SH3TC1: variants seen among roughly 807,000 people sequenced by gnomAD.
SH3TC1 encodes the protein SH3 domain and tetratricopeptide repeats 1.
In SH3TC1, 135 loss-of-function variants were observed where a neutral mutation model predicts 117.3. The ratio of observed to expected loss-of-function variants is 1.15; its 90% CI spans 1.00 to 1.33. The LOEUF is 1.33. Ranked by LOEUF, SH3TC1 falls within the 40% of genes most tolerant of loss-of-function variation. The pLI, the probability that SH3TC1 is intolerant of heterozygous loss-of-function variation, is 0.00. For missense variants in SH3TC1, 2,092 were observed against 1,794.3 expected (o/e 1.17, Z -3.00); for synonymous variants, 898 against 816.9 (o/e 1.10, Z -1.69).
At chr4:8,232,727 C>T (rs1391751104) in intron 13 of SH3TC1, 2 of 1,290,016 alleles carry the variant, frequency 1.6e-6, no homozygotes, top group Non-Finnish European at 2.0e-6. Context: ...CATTGCTGCA[C>T]TCACACCCCT....
chr4:8,203,492 C>G (rs191909517), intron 1 of SH3TC1, among the ~76,000 whole-genome samples: 241 of 152,146 alleles, frequency 1.6e-3, no homozygotes, highest in African/African-American at 5.5e-3. Flanking sequence ...AGGCTCAGAG[C>G]CTCGGGGGAG....
At chr4:8,231,386 G>C (rs1201144161) in intron 12 of SH3TC1, 1 of 155,198 alleles carries the variant, frequency 6.4e-6, no homozygotes, top group African/African-American at 2.4e-5. Context: ...GTGTGTGATA[G>C]ATGTCCACTC....
chr4:8,199,784 C>T (rs1381225339), intron 1 of SH3TC1, among the ~76,000 whole-genome samples: 1 of 152,200 alleles, frequency 6.6e-6, no homozygotes, highest in Admixed American at 6.5e-5. Flanking sequence ...GTGACCCCAG[C>T]GCCCGGTTAG....
Position 8,227,997 on chromosome 4 carries a change from A to C in SH3TC1, c.2303A>C (p.Tyr768Ser), listed in dbSNP as rs1261492984. ...PHSLPAQTSH[Y>S]LRQALASLTP... Reference sequence around the variant, plus strand: ...AGCCTCCCTGCCCAAACTTCCCACTACCTCAGGCAAGCGCTGGCCTCCCTG... The same window carrying C: ...AGCCTCCCTGCCCAAACTTCCCACTCCCTCAGGCAAGCGCTGGCCTCCCTG... The change falls in exon 12 of 18, where the codon TAC becomes TCC. Residue 768 changes from tyrosine (Y) to serine (S), a missense_variant. Physicochemically the swap from Tyr to Ser is moderately radical, Grantham distance 144 (BLOSUM62 -2). Transcript: ENST00000245105. The C allele has an allele frequency of 1.9e-6, 3 of 1,611,824 alleles. No individual in the cohort carries two copies. The highest frequency in any genetic ancestry group is 2.5e-6 in the Non-Finnish European group (3 of 1,179,588).
chr4:8,203,317 A>G (rs1204742708), intron 1 of SH3TC1, among the ~76,000 whole-genome samples: 3 of 151,840 alleles, frequency 2.0e-5, no homozygotes, highest in Non-Finnish European at 2.9e-5. Flanking sequence ...CAGGCTTGAG[A>G]ATTGCCTAGC....
intron 14 of SH3TC1, among the ~76,000 whole-genome samples, chr4:8,234,019 ATCATCCATCCATCCAT>A (rs1157735734): frequency 8.3e-6 from 1 of 120,606 alleles, no homozygotes; most frequent in East Asian, 2.5e-4. Context: ...TTATCCATCC[ATCATCCATCCATCCAT>A]TCATCCATCA....
rs144885198 is a variant in SH3TC1 at position 8,218,301 on chromosome 4, C to G, written c.870C>G (p.Ile290Met). ...QWALRIPQDP[I>M]DDAMGGPVMP... ...CTCTTAGGATCCCCCAGGACCCCATCGACGATGCCATGGGTGGCCCTGTGA... is the reference window on the plus strand; with the variant it reads ...CTCTTAGGATCCCCCAGGACCCCATGGACGATGCCATGGGTGGCCCTGTGA... The change falls in exon 8 of 18, where the codon ATC becomes ATG. Residue 290 changes from isoleucine (I) to methionine (M), a missense_variant. Ile to Met is a conservative substitution (Grantham distance 10). Coordinates refer to ENST00000245105, the MANE Select transcript of SH3TC1 (RefSeq NM_018986.5). 3.5e-5 allele frequency: 57 copies of G among 1,612,284 alleles called. No homozygotes were observed. Among genetic ancestry groups the G allele is most frequent in the Non-Finnish European group, 4.5e-5 (53 of 1,178,792 alleles).
intron 1 of SH3TC1, among the ~76,000 whole-genome samples, chr4:8,189,097 G>A (rs1204912880): frequency 2.0e-5 from 3 of 152,268 alleles, no homozygotes; most frequent in Admixed American, 6.5e-5. Context: ...CCCCTTCTGC[G>A]TGTCTGGCAG....
At chr4:8,197,202 G>A (rs977347926), upstream of SH3TC1, among the ~76,000 whole-genome samples, 7 of 152,140 alleles carry the variant, frequency 4.6e-5, no homozygotes, top group African/African-American at 1.7e-4. Context: ...ACCTCTAGCC[G>A]GAGCATACCT....
chr4:8,223,742 C>A (rs773031166), intron 10 of SH3TC1, among the ~76,000 whole-genome samples: 1 of 151,554 alleles, frequency 6.6e-6, no homozygotes, highest in Non-Finnish European at 1.5e-5. Flanking sequence ...AAGCGATTCT[C>A]GTGTCTCAGC....
chr4:8,231,904 G>A, intron 12 of SH3TC1, 72 bp from the exon 13 acceptor site: 2 of 1,556,756 alleles, frequency 1.3e-6, no homozygotes, highest in South Asian at 2.4e-5. Flanking sequence ...GCACACCGCA[G>A]GGGCCTCTGA....
chr4:8,235,724 C>G, intron 15 of SH3TC1, 169 bp downstream of exon 15: 1 of 937,028 alleles, frequency 1.1e-6, no homozygotes, highest in Non-Finnish European at 1.5e-6. Flanking sequence ...GCCCCCCGCC[C>G]GGGACAAACA....
At position 8,217,094 on chromosome 4, in the gene SH3TC1, C is replaced by T; in HGVS notation, c.766C>T (p.Pro256Ser). ...GEAAPETDSS[P>S]PSPSVSSEEV... Reference sequence around the variant, plus strand: ...GGCGGCCCCGGAAACAGACTCTTCACCGCCGAGCCCCAGCGTGTCCTCCGA... The same window carrying T: ...GGCGGCCCCGGAAACAGACTCTTCATCGCCGAGCCCCAGCGTGTCCTCCGA... The change falls in exon 7 of 18, where the codon CCG (proline) becomes TCG (serine). Residue 256 changes from proline (P) to serine (S), a missense_variant. By Grantham distance (74) the Pro-to-Ser change is moderately conservative. Transcript: ENST00000245105. 5 of 1,613,030 alleles carry T rather than the reference C, an allele frequency of 3.1e-6. No homozygotes were observed. The highest frequency in any genetic ancestry group is 2.2e-5 in the South Asian group (2 of 91,036).
At chr4:8,207,883 T>C (rs1374295302) in intron 2 of SH3TC1, among the ~76,000 whole-genome samples, 1 of 152,168 alleles carries the variant, frequency 6.6e-6, no homozygotes, top group Non-Finnish European at 1.5e-5. Flanking sequence ...GTTTAGAAGC[T>C]GTTGGGCCGG....
At chr4:8,217,281 C>A in intron 7 of SH3TC1, 114 bp downstream of exon 7, 1 of 1,275,380 alleles carries the variant, frequency 7.8e-7, no homozygotes, top group East Asian at 2.5e-5. Context: ...CCGGACAGAC[C>A]TGGCCATGGC....
intron 10 of SH3TC1, 73 bp downstream of exon 10, chr4:8,223,043 C>T: frequency 3.2e-6 from 5 of 1,543,066 alleles, no homozygotes; most frequent in Non-Finnish European, 3.5e-6. Context: ...CTGCCCTCGT[C>T]CATCCACAGA....
chr4:8,221,352 C>A (rs186440680), intron 9 of SH3TC1, among the ~76,000 whole-genome samples: 7 of 152,328 alleles, frequency 4.6e-5, no homozygotes, highest in Admixed American at 2.0e-4. Context: ...ATTCTGACTT[C>A]TCTCATTCAC....
At chr4:8,218,387 G>T in intron 8 of SH3TC1, 40 bp downstream of exon 8, 1 of 1,482,132 alleles carries the variant, frequency 6.7e-7, no homozygotes, top group South Asian at 1.2e-5. Flanking sequence ...GGGGAAATGT[G>T]TGTGCTAGGG....
Position 8,227,490 on chromosome 4 carries a change from T to C in SH3TC1, c.1796T>C (p.Leu599Pro). The C allele has an allele frequency of 6.4e-7, 1 of 1,565,718 alleles. No individual in the cohort carries two copies. Among genetic ancestry groups the C allele is most frequent in the Non-Finnish European group, 8.6e-7 (1 of 1,161,274 alleles). ...ALEGSFGDLF[L>P]VVAVYANLAS... is the part of the protein sequence containing the mutation. The stretch of plus-strand genomic sequence containing the variant: ...GAGGGCAGCTTCGGGGACCTGTTCC[T>C]AGTGGTGGCTGTGTACGCCAACCTG... The change falls in exon 12 of 18, where the codon CTA becomes CCA. Residue 599 changes from leucine to proline, a missense_variant. By Grantham distance (98) the Leu-to-Pro change is moderately conservative (BLOSUM62 -3). Transcript: ENST00000245105.
Sources: allele counts gnomAD v4.1 joint callset (sites outside exome capture counted in the v4.1 genomes callset), GRCh38; gene constraint gnomAD v4.1.1; transcripts MANE v1.5; gene names NCBI Gene and HGNC (gene_info 2026-07-23, HGNC 2026-07-21).